Variants in GPRASP1 observed in about 807,000 individuals in gnomAD.
GPRASP1 encodes G protein-coupled receptor associated sorting protein 1, also known as G protein-coupled receptor-associated sorting protein 1.
GPRASP1 carries 28 observed loss-of-function variants against 68.4 expected under a neutral mutation model. The ratio of observed to expected loss-of-function variants is 0.41; its 90% CI spans 0.30 to 0.56. The LOEUF is 0.56. Ranked by LOEUF, GPRASP1 falls within the 20% of genes least tolerant of loss-of-function variation. The pLI, the probability that GPRASP1 is intolerant of heterozygous loss-of-function variation, is 0.29. For missense variants in GPRASP1, 913 were observed against 1,031.5 expected, an observed-to-expected ratio of 0.89 and a Z score of 1.57; for synonymous variants, 304 against 358.2, an observed-to-expected ratio of 0.85 and a Z score of 1.71.
rs1222350529 is a variant in GPRASP1, at chrX:102,654,147, T to G, written c.234T>G (p.Ser78Arg). 8.3e-7 allele frequency: 1 copy of G among 1,211,462 alleles called. No homozygotes were observed. The highest frequency in any genetic ancestry group is 3.0e-5 in the East Asian group (1 of 33,833). ...TSAVGGARPKSKAKAIPVSRF... is the reference protein window; with the variant it reads ...TSAVGGARPKRKAKAIPVSRF... ...CAGTGGGTGGGGCACGCCCTAAGAGTAAGGCCAAGGCAATACCTGTTTCAC... is the reference window on the plus strand; with the variant it reads ...CAGTGGGTGGGGCACGCCCTAAGAGGAAGGCCAAGGCAATACCTGTTTCAC... Residue 78 changes from serine to arginine, a missense_variant, in exon 6 of 6, where the codon AGT becomes AGG. By Grantham distance (110) the Ser-to-Arg change is moderately radical. Coordinates refer to ENST00000537097, the MANE Select transcript of GPRASP1 (RefSeq NM_001184727.2).
At chrX:102,653,555 G>A (rs925847297) in intron 5 of GPRASP1, 25 bp from the exon 6 acceptor site, 2 of 173,113 alleles carry the variant, frequency 1.2e-5, no homozygotes, top group African/African-American at 6.0e-5. Context: ...GAGACTCAAA[G>A]CCCCATTTCA....
In GPRASP1 at chrX:102,652,843, G is replaced by C. The variant is rs995450525; in HGVS notation, c.-468G>C. 1.8e-5 allele frequency: 2 copies of C among 111,845 alleles called. No homozygotes were observed. Among genetic ancestry groups the C allele is most frequent in the African/African-American group, 6.5e-5 (2 of 30,701 alleles). The allele number at this position is 111,845 out of a possible 1,213,427, so 9.2% of individuals were successfully genotyped here. A position where few individuals can be genotyped will look rare whatever the true frequency, so the allele number is the denominator to read the frequency against. ...TGTTTGTCCATAGGCCTGCTTTAAGGCTGGCCAGTTCTGCAAGAAAGGCAA... is the reference window on the plus strand; with the variant it reads ...TGTTTGTCCATAGGCCTGCTTTAAGCCTGGCCAGTTCTGCAAGAAAGGCAA... On this transcript the variant is annotated 5_prime_UTR_variant, in exon 4 of 6. Coordinates refer to ENST00000537097, the MANE Select transcript of GPRASP1 (RefSeq NM_001184727.2).
At position 102,658,584 on chromosome X, in the gene GPRASP1, C is replaced by T. The variant is rs1302489149; in HGVS notation, c.*483C>T. 8.3e-6 allele frequency: 1 copy of T among 120,835 alleles called. No homozygotes were observed. The highest frequency in any genetic ancestry group is 1.9e-5 in the Non-Finnish European group (1 of 52,813). 10.0% of individuals were successfully genotyped at this position (120,835 alleles called of 1,213,427 possible). On this transcript the variant is annotated 3_prime_UTR_variant, in exon 6 of 6. Transcript: ENST00000537097. ...TTCTCAGCTTTAAACGCAAAAATTA[C>T]CAGGGGCTGCTATGTAGGGCATACT...
Position 102,654,719 on chromosome X carries a change from C to G in GPRASP1, c.806C>G (p.Thr269Ser). The G allele has an allele frequency of 8.3e-7, 1 of 1,210,335 alleles. No homozygotes were observed. Reference sequence around the variant, plus strand: ...CCCTGGTTCTGGGCCAGAGATAAAACCAATACCTGGTCTGGGCCCAGGGAA... The same window carrying G: ...CCCTGGTTCTGGGCCAGAGATAAAAGCAATACCTGGTCTGGGCCCAGGGAA... The part of the protein sequence containing the change: ...KTPWFWARDK[T>S]NTWSGPREDP... The change falls in exon 6 of 6, where the codon ACC (threonine) becomes AGC (serine). Residue 269 changes from threonine (T) to serine (S), a missense_variant. Thr to Ser is a moderately conservative substitution (Grantham distance 58, BLOSUM62 1). Coordinates refer to ENST00000537097, the MANE Select transcript of GPRASP1 (RefSeq NM_001184727.2).
chrX:102,656,527 G>T lies in GPRASP1; in HGVS notation c.2614G>T (p.Glu872Ter). ...FESKPGTEEE[E>*]ITVGSWFWPE... The stretch of plus-strand genomic sequence containing the variant: ...GTCAAAGCCTGGGACTGAGGAGGAA[G>T]AAATCACTGTTGGGTCCTGGTTCTG... The change falls in exon 6 of 6, where the codon GAA becomes TAA. Residue 872 changes from glutamate to a stop codon, truncating the protein, a stop_gained. Transcript: ENST00000537097. LOFTEE classifies it high-confidence loss of function. 1 of 1,211,167 alleles carries T rather than the reference G, an allele frequency of 8.3e-7. No homozygotes were observed. The highest frequency in any genetic ancestry group is 1.1e-6 in the Non-Finnish European group (1 of 895,054).
Position 102,654,771 on chromosome X carries a change from G to A in GPRASP1, c.858G>A (p.Arg286=). 1 of 1,210,606 alleles carries A rather than the reference G, an allele frequency of 8.3e-7. No homozygotes were observed. Among genetic ancestry groups the A allele is most frequent in the African/African-American group, 1.7e-5 (1 of 57,692 alleles). The change falls in exon 6 of 6, where the codon AGG becomes AGA. Residue 286 remains arginine (R), a synonymous_variant. Coordinates refer to ENST00000537097, the MANE Select transcript of GPRASP1 (RefSeq NM_001184727.2). ...REDPNSRSRF[R]SKKEVYVESS... Reference sequence around the variant, plus strand: ...ATCCCAATAGCAGGTCCAGGTTTAGGTCTAAGAAAGAAGTCTATGTTGAAT... The same window carrying A: ...ATCCCAATAGCAGGTCCAGGTTTAGATCTAAGAAAGAAGTCTATGTTGAAT...
In GPRASP1 at chrX:102,657,722, A is replaced by G. The variant is rs1037381961; in HGVS notation, c.3809A>G (p.Tyr1270Cys). Reference protein sequence around the residue: ...MIRHLTTTTDYHTLVANYMSG... With the variant: ...MIRHLTTTTDCHTLVANYMSG... ...AGACATCTCACTACTACTACTGACT[A>G]TCACACACTGGTTGCCAATTATATG... is the stretch of plus-strand genomic sequence containing the variant. The change falls in exon 6 of 6, where the codon TAT (tyrosine) becomes TGT (cysteine). Residue 1270 changes from tyrosine to cysteine, a missense_variant. Transcript: ENST00000537097. 8.3e-7 allele frequency: 1 copy of G among 1,205,810 alleles called. No homozygotes were observed. Among genetic ancestry groups the G allele is most frequent in the Non-Finnish European group, 1.1e-6 (1 of 890,008 alleles).
chrX:102,655,052 T>A lies in GPRASP1; in HGVS notation c.1139T>A (p.Met380Lys). 8.3e-7 allele frequency: 1 copy of A among 1,210,813 alleles called. No individual in the cohort carries two copies. The highest frequency in any genetic ancestry group is 1.8e-5 in the South Asian group (1 of 56,935). The change falls in exon 6 of 6, where the codon ATG becomes AAG. Residue 380 changes from methionine (M) to lysine (K), a missense_variant. Physicochemically the swap from Met to Lys is moderately conservative, Grantham distance 95 (BLOSUM62 -1). Transcript: ENST00000537097. ...MIKKEARARA[M>K]TKEEAKTKAR... is the part of the protein sequence containing the mutation. ...AAGAAAGAGGCCAGGGCCAGAGCAA[T>A]GACAAAGGAAGAGGCCAAAACCAAG...
rs143347441 is a variant in GPRASP1, at chrX:102,654,281, G to A, written c.368G>A (p.Ser123Asn). The A allele has an allele frequency of 1.7e-6, 2 of 1,209,233 alleles. No homozygotes were observed. The highest frequency in any genetic ancestry group is 2.2e-5 in the Admixed American group (1 of 45,907). Residue 123 changes from serine (S) to asparagine (N), a missense_variant, in exon 6 of 6, where the codon AGT (serine) becomes AAT (asparagine). Physicochemically the swap from Ser to Asn is conservative, Grantham distance 46. Coordinates refer to ENST00000537097, the MANE Select transcript of GPRASP1 (RefSeq NM_001184727.2). ...AATATCATAGCCTCTCCACTTGTCA[G>A]TACTGATTCTGTCTTGGTTGCTAAA... ...QTNIIASPLV[S>N]TDSVLVAKTK...
In GPRASP1 at chrX:102,654,970, A is replaced by G. The variant is rs745311016; in HGVS notation, c.1057A>G (p.Lys353Glu). 2.0e-5 allele frequency: 24 copies of G among 1,209,914 alleles called. No individual in the cohort carries two copies. In the Admixed American group the frequency reaches 5.2e-4, roughly 26 times the overall value. ...FMPGSIDVIK[K>E]ESCFWPEENA... ...GCCTGGGTCTATAGATGTAATTAAA[A>G]AAGAGTCCTGTTTCTGGCCTGAAGA... The change falls in exon 6 of 6, where the codon AAA becomes GAA. Residue 353 changes from lysine (K) to glutamate (E), a missense_variant. Transcript: ENST00000537097.
rs1268259580 is a variant in GPRASP1, at chrX:102,658,670, A to G, written c.*569A>G. 1 of 44,830 alleles carries G rather than the reference A, an allele frequency of 2.2e-5. No individual in the cohort carries two copies. The highest frequency in any genetic ancestry group is 3.5e-4 in the African/African-American group (1 of 2,877). 3.7% of individuals were successfully genotyped at this position (44,830 alleles called of 1,213,427 possible). On this transcript the variant is annotated 3_prime_UTR_variant, in exon 6 of 6. Transcript: ENST00000537097. ...AGTTTGGGAAAGATATTGGTGGTGT[A>G]AAAAAAAAAAAAAGCATGGAGTTAG... is the stretch of plus-strand genomic sequence containing the variant.
At position 102,658,392 on chromosome X, in the gene GPRASP1, G is replaced by A. The variant is rs2081437306; in HGVS notation, c.*291G>A. 2 of 179,833 alleles carry A rather than the reference G, an allele frequency of 1.1e-5. No homozygotes were observed. Among genetic ancestry groups the A allele is most frequent in the African/African-American group, 3.1e-5 (1 of 32,047 alleles). 14.8% of individuals were successfully genotyped at this position (179,833 alleles called of 1,213,427 possible). ...CCACCCTTCTGATTGTCGTTCTACT[G>A]TATATATATATATATTTGAGTGTTG... On this transcript the variant is annotated 3_prime_UTR_variant, in exon 6 of 6. Transcript: ENST00000537097.
In GPRASP1 at chrX:102,658,296, T is replaced by C. The variant is rs2081436639; in HGVS notation, c.*195T>C. 2 of 390,003 alleles carry C rather than the reference T, an allele frequency of 5.1e-6. No homozygotes were observed. The highest frequency in any genetic ancestry group is 1.2e-4 in the South Asian group (2 of 16,079). 32.1% of individuals were successfully genotyped at this position (390,003 alleles called of 1,213,427 possible). On this transcript the variant is annotated 3_prime_UTR_variant, in exon 6 of 6. Coordinates refer to ENST00000537097, the MANE Select transcript of GPRASP1 (RefSeq NM_001184727.2). ...ATATTAGAGCTGAAAACACATTTGTTGATATTTGTCTTGTCCACATTGTGA... is the reference window on the plus strand; with the variant it reads ...ATATTAGAGCTGAAAACACATTTGTCGATATTTGTCTTGTCCACATTGTGA...
In GPRASP1 at chrX:102,654,563, A is replaced by G. The variant is rs746362557; in HGVS notation, c.650A>G (p.Asn217Ser). ...GTCACTGCAAAATTTCATCCTGGGA[A>G]TAGGGTAAAAGACAGTAACAGATCC... ...DEVTAKFHPGNRVKDSNRSMH... is the reference protein window; with the variant it reads ...DEVTAKFHPGSRVKDSNRSMH... Residue 217 changes from asparagine (N) to serine (S), a missense_variant, in exon 6 of 6, where the codon AAT (asparagine) becomes AGT (serine). Physicochemically the swap from Asn to Ser is conservative, Grantham distance 46 (BLOSUM62 1). Transcript: ENST00000537097. The G allele has an allele frequency of 2.5e-6, 3 of 1,209,342 alleles. No individual in the cohort carries two copies. The highest frequency in any genetic ancestry group is 3.5e-5 in the African/African-American group (2 of 57,195).
rs201982508 is a variant in GPRASP1 at position 102,657,635 on chromosome X, G to A, written c.3722G>A (p.Cys1241Tyr). The change falls in exon 6 of 6, where the codon TGT (cysteine) becomes TAT (tyrosine). Residue 1241 changes from cysteine (C) to tyrosine (Y), a missense_variant. By Grantham distance (194) the Cys-to-Tyr change is radical. Transcript: ENST00000537097. The part of the protein sequence containing the change: ...NIIQTYICKV[C>Y]EETLAYSVDS... ...ATTCAGACATACATATGTAAAGTGT[G>A]TGAGGAAACCCTTGCTTATAGCGTG... 8.3e-7 allele frequency: 1 copy of A among 1,211,155 alleles called. No individual in the cohort carries two copies.
chrX:102,657,158 T>C lies in GPRASP1; in HGVS notation c.3245T>C (p.Phe1082Ser). Residue 1082 changes from phenylalanine (F) to serine (S), a missense_variant, in exon 6 of 6, where the codon TTT becomes TCT. By Grantham distance (155) the Phe-to-Ser change is radical (BLOSUM62 -2). Transcript: ENST00000537097. ...GCAGCATCTTTATTCTGTGAAATGTTTGGGGGCAAACCCAGGAACATGGTA... is the reference window on the plus strand; with the variant it reads ...GCAGCATCTTTATTCTGTGAAATGTCTGGGGGCAAACCCAGGAACATGGTA... ...KEAASLFCEM[F>S]GGKPRNMVLS... 1.7e-6 allele frequency: 2 copies of C among 1,210,666 alleles called. No homozygotes were observed. The highest frequency in any genetic ancestry group is 2.2e-6 in the Non-Finnish European group (2 of 894,499).
chrX:102,654,773 C>G lies in GPRASP1; in HGVS notation c.860C>G (p.Ser287Cys). Residue 287 changes from serine (S) to cysteine (C), a missense_variant, in exon 6 of 6, where the codon TCT becomes TGT. Physicochemically the swap from Ser to Cys is moderately radical, Grantham distance 112. Coordinates refer to ENST00000537097, the MANE Select transcript of GPRASP1 (RefSeq NM_001184727.2). ...CCCAATAGCAGGTCCAGGTTTAGGT[C>G]TAAGAAAGAAGTCTATGTTGAATCA... The part of the protein sequence containing the change: ...EDPNSRSRFR[S>C]KKEVYVESSS... 4 of 1,210,355 alleles carry G rather than the reference C, an allele frequency of 3.3e-6. No individual in the cohort carries two copies. The highest frequency in any genetic ancestry group is 4.5e-6 in the Non-Finnish European group (4 of 894,506).
chrX:102,657,696 T>C lies in GPRASP1; in HGVS notation c.3783T>C (p.Ile1261=). The change falls in exon 6 of 6, where the codon ATT becomes ATC. Residue 1261 remains isoleucine, a synonymous_variant. Transcript: ENST00000537097. The part of the protein sequence containing the change: ...SPEQLSGIRM[I]RHLTTTTDYH... Reference sequence around the variant, plus strand: ...AACAGCTGTCTGGAATAAGGATGATTAGACATCTCACTACTACTACTGACT... The same window carrying C: ...AACAGCTGTCTGGAATAAGGATGATCAGACATCTCACTACTACTACTGACT... 1 of 1,210,807 alleles carries C rather than the reference T, an allele frequency of 8.3e-7. No homozygotes were observed. Among genetic ancestry groups the C allele is most frequent in the South Asian group, 1.8e-5 (1 of 56,998 alleles).
At position 102,655,432 on chromosome X, in the gene GPRASP1, G is replaced by A. The variant is rs2081399666; in HGVS notation, c.1519G>A (p.Glu507Lys). ...IIGSWFWAGE[E>K]VNQEAEEETI... Reference sequence around the variant, plus strand: ...TGGTTCCTGGTTCTGGGCTGGTGAAGAGGTCAACCAAGAGGCTGAGGAAGA... The same window carrying A: ...TGGTTCCTGGTTCTGGGCTGGTGAAAAGGTCAACCAAGAGGCTGAGGAAGA... The change falls in exon 6 of 6, where the codon GAG (glutamate) becomes AAG (lysine). Residue 507 changes from glutamate (E) to lysine (K), a missense_variant. Coordinates refer to ENST00000537097, the MANE Select transcript of GPRASP1 (RefSeq NM_001184727.2). 8.3e-7 allele frequency: 1 copy of A among 1,211,816 alleles called. No homozygotes were observed. The highest frequency in any genetic ancestry group is 1.1e-6 in the Non-Finnish European group (1 of 895,419).
Sources: allele counts gnomAD v4.1 joint callset, GRCh38; gene constraint gnomAD v4.1.1; transcripts MANE v1.5; gene names NCBI Gene and HGNC (gene_info 2026-07-23, HGNC 2026-07-21).